The following ZNF704 variants were observed in gnomAD, a reference collection of about 807,000 sequenced individuals.
ZNF704 encodes glucocorticoid induced gene 1.
Under a neutral mutation model 44.7 loss-of-function variants are expected in ZNF704, and 10 were observed. That is an observed-to-expected ratio of 0.22 (90% confidence interval 0.14 to 0.38). ZNF704 has a LOEUF of 0.38. ZNF704 is among the 10% of genes least tolerant of loss of function. The pLI is 1.00. For missense variants in ZNF704, 390 were observed against 545.5 expected (o/e 0.71, Z 2.84); for synonymous variants, 211 against 207.6 (o/e 1.02, Z -0.14).
chr8:80,647,247 G>A (rs914093090), intron 7 of ZNF704, among the ~76,000 whole-genome samples: 1 of 152,110 alleles, frequency 6.6e-6, no homozygotes, highest in Non-Finnish European at 1.5e-5. Flanking sequence ...AAGTGTAATA[G>A]AAGGAGAGGA....
intron 2 of ZNF704, among the ~76,000 whole-genome samples, chr8:80,763,463 G>C (rs1807166401): frequency 6.6e-6 from 1 of 152,210 alleles, no homozygotes; most frequent in Non-Finnish European, 1.5e-5. Context: ...TGAAACCATG[G>C]CCTGTGGTGT....
intron 2 of ZNF704, among the ~76,000 whole-genome samples, chr8:80,719,338 A>G (rs1585978652): frequency 6.6e-6 from 1 of 152,204 alleles, no homozygotes; most frequent in East Asian, 1.9e-4. Context: ...GGAAGTCATT[A>G]GTGACATCTT....
chr8:80,793,059 C>T (rs1369310508), intron 2 of ZNF704, among the ~76,000 whole-genome samples: 2 of 152,088 alleles, frequency 1.3e-5, no homozygotes, highest in African/African-American at 4.8e-5. Context: ...ATAAAACAAC[C>T]AAAATGTCTA....
intron 1 of ZNF704, among the ~76,000 whole-genome samples, chr8:80,849,894 G>A (rs957011970): frequency 6.6e-6 from 1 of 152,114 alleles, no homozygotes; most frequent in African/African-American, 2.4e-5. Context: ...TGTTTTTACT[G>A]GAATTCAACT....
intron 5 of ZNF704, among the ~76,000 whole-genome samples, chr8:80,665,842 A>G (rs1469961157): frequency 6.6e-6 from 1 of 150,852 alleles, no homozygotes; most frequent in African/African-American, 2.4e-5. Flanking sequence ...TTTTTTTTTC[A>G]TGATTGTAAG....
chr8:80,711,874 G>A (rs948053700), intron 2 of ZNF704, among the ~76,000 whole-genome samples: 13 of 152,160 alleles, frequency 8.5e-5, no homozygotes, highest in Non-Finnish European at 2.9e-5. Context: ...TGTCTCTATC[G>A]ATGCATAACT....
At chr8:80,828,080 G>A (rs1189482722) in intron 1 of ZNF704, among the ~76,000 whole-genome samples, 1 of 152,126 alleles carries the variant, frequency 6.6e-6, no homozygotes, top group Admixed American at 6.6e-5. Flanking sequence ...ATTGACAAAT[G>A]GGATCTAACT....
chr8:80,791,244 C>A (rs1367112654), intron 2 of ZNF704, among the ~76,000 whole-genome samples: 1 of 152,160 alleles, frequency 6.6e-6, no homozygotes, highest in Non-Finnish European at 1.5e-5. Flanking sequence ...AGAGGATAAT[C>A]AACAAGAACC....
intron 7 of ZNF704, among the ~76,000 whole-genome samples, chr8:80,658,420 CCT>C (rs1818049768): frequency 6.6e-6 from 1 of 152,054 alleles, no homozygotes; most frequent in African/African-American, 2.4e-5. Flanking sequence ...ATTGTTAACC[CCT>C]GACACCTACA....
chr8:80,735,153 C>T (rs1202748333), intron 2 of ZNF704, among the ~76,000 whole-genome samples: 3 of 152,164 alleles, frequency 2.0e-5, no homozygotes, highest in Admixed American at 2.0e-4. Flanking sequence ...TGAAATAAAC[C>T]TCCACTTTAT....
chr8:80,821,195 A>G (rs986407040), intron 2 of ZNF704, among the ~76,000 whole-genome samples, 179 bp downstream of exon 2: 3 of 152,238 alleles, frequency 2.0e-5, no homozygotes, highest in African/African-American at 7.2e-5. Context: ...GCAGCCTCAA[A>G]GTCAGTTATG....
intron 2 of ZNF704, among the ~76,000 whole-genome samples, chr8:80,752,390 T>A (rs983352646): frequency 6.6e-6 from 1 of 152,004 alleles, no homozygotes; most frequent in African/African-American, 2.4e-5. Flanking sequence ...TCAAACCAGC[T>A]CTCTCCATCC....
At position 80,643,074 on chromosome 8, in the gene ZNF704, G is replaced by C. The variant is rs763838056; in HGVS notation, c.1088C>G (p.Thr363Arg). 8.1e-6 allele frequency: 13 copies of C among 1,604,548 alleles called. No individual in the cohort carries two copies. Among genetic ancestry groups the C allele is most frequent in the Non-Finnish European group, 1.1e-5 (13 of 1,175,522 alleles). The change falls in exon 8 of 9, where the codon ACG (threonine) becomes AGG (arginine). Residue 363 changes from threonine (T) to arginine (R), a missense_variant. Around this residue, in one of 3 missense-constraint regions of ZNF704, gnomAD observed 305 missense variants for 435.7 expected, o/e 0.70. Coordinates refer to ENST00000327835, the MANE Select transcript of ZNF704 (RefSeq NM_001033723.3). ...GCCTCTGGGTGGGGAGGACAGGACC[G>C]TGTGCGCATGCTGTCTCTGCTCTCC... ...GTGEQRQHAH[T>R]VLSSPPRGTV...
At chr8:80,644,154 C>T (rs148264531) in intron 7 of ZNF704, among the ~76,000 whole-genome samples, 112 of 152,292 alleles carry the variant, frequency 7.4e-4, no homozygotes, top group Non-Finnish European at 1.4e-3. Context: ...TCCCATTTTA[C>T]AGATTAGGAG....
At position 80,634,926 on chromosome 8, in the gene ZNF704, G is replaced by C. The variant is rs796405152; in HGVS notation, c.*6440C>G. On this transcript the variant is annotated 3_prime_UTR_variant, in exon 9 of 9. Coordinates refer to ENST00000327835, the MANE Select transcript of ZNF704 (RefSeq NM_001033723.3). ...AAGGAGTGAAAACAGAGATTTGCAA[G>C]ACGCCTCATCTCAAAGACTAGGAGC... 1 of 152,164 alleles carries C rather than the reference G, an allele frequency of 6.6e-6. No homozygotes were observed. The highest frequency in any genetic ancestry group is 1.5e-5 in the Non-Finnish European group (1 of 68,030). The allele number at this position is 152,164 out of a possible 1,614,324, so 9.4% of individuals were successfully genotyped here.
chr8:80,718,764 C>T (rs933036576), intron 2 of ZNF704, among the ~76,000 whole-genome samples: 1 of 152,124 alleles, frequency 6.6e-6, no homozygotes, highest in East Asian at 1.9e-4. Context: ...TCCATTAAGT[C>T]GGGGGTGGCT....
At chr8:80,692,305 A>G (rs1035400975) in intron 3 of ZNF704, among the ~76,000 whole-genome samples, 11 of 152,236 alleles carry the variant, frequency 7.2e-5, no homozygotes, top group African/African-American at 2.4e-4. Context: ...TGTGAGCCTT[A>G]GTTTACTCAT....
chr8:80,724,468 C>G (rs1289768406), intron 2 of ZNF704, among the ~76,000 whole-genome samples: 1 of 152,114 alleles, frequency 6.6e-6, no homozygotes, highest in Non-Finnish European at 1.5e-5. Flanking sequence ...CTGGCATTTC[C>G]CAAGCCCCTG....
At chr8:80,866,265 A>C (rs1153029) in intron 1 of ZNF704, among the ~76,000 whole-genome samples, 1,904 of 152,302 alleles carry the variant, frequency 0.013, 14 homozygotes, top group Non-Finnish European at 0.022. Context: ...AAAGAGGAAA[A>C]GCGACTTCAT....
Sources: gnomAD v4.1 joint callset for allele counts (sites outside exome capture counted in the v4.1 genomes callset) on GRCh38, gnomAD v4.1.1 for gene constraint, gnomAD v4.1.1 regional missense constraint, MANE v1.5 for transcripts, NCBI Gene and HGNC (gene_info 2026-07-23, HGNC 2026-07-21) for gene names.